WDPCP: variants seen among roughly 807,000 people sequenced by gnomAD.
WDPCP encodes WD repeat-containing and planar cell polarity effector protein fritz homolog.
A neutral mutation model predicts 93.1 loss-of-function variants in WDPCP; 71 were observed. The ratio of observed to expected loss-of-function variants is 0.76; its 90% CI spans 0.63 to 0.93. WDPCP has a LOEUF of 0.93. Ranked by LOEUF, WDPCP falls within the 40% of genes least tolerant of loss-of-function variation. The pLI, the probability that WDPCP is intolerant of heterozygous loss-of-function variation, is 0.00. For missense variants in WDPCP, 844 were observed against 887.4 expected, an observed-to-expected ratio of 0.95 and a Z score of 0.62; for synonymous variants, 315 against 315.0, an observed-to-expected ratio of 1.00 and a Z score of 0.00.
intron 13 of WDPCP, among the ~76,000 whole-genome samples, chr2:63,299,958 G>T (rs897101596): frequency 2.6e-5 from 4 of 152,100 alleles, no homozygotes; most frequent in African/African-American, 7.2e-5. Flanking sequence ...TCCCTTCTCT[G>T]CCAGCCACGT....
chr2:63,176,711 C>T (rs1337583827), intron 14 of WDPCP, among the ~76,000 whole-genome samples: 1 of 152,048 alleles, frequency 6.6e-6, no homozygotes, highest in Non-Finnish European at 1.5e-5. Flanking sequence ...TTTATTGGTA[C>T]TTTATTGTGT....
chr2:63,157,082 A>T (rs1672311710), intron 15 of WDPCP, among the ~76,000 whole-genome samples: 1 of 148,718 alleles, frequency 6.7e-6, no homozygotes, highest in African/African-American at 2.5e-5. Context: ...TGGGTATGGA[A>T]TTTTGTCAGA....
intron 2 of WDPCP, among the ~76,000 whole-genome samples, chr2:63,799,666 C>A (rs568088658): frequency 6.6e-6 from 1 of 152,236 alleles, no homozygotes; most frequent in East Asian, 1.9e-4. Context: ...GTCTCATATT[C>A]TTCTTTTTTA....
chr2:63,605,808 G>A, intron 3 of WDPCP: 1 of 765,338 alleles, frequency 1.3e-6, no homozygotes, highest in East Asian at 2.5e-5. Context: ...ACCTGGTGCT[G>A]ATGATAGTTC....
At chr2:63,368,076 G>A (rs1691058017) in intron 12 of WDPCP, among the ~76,000 whole-genome samples, 1 of 152,096 alleles carries the variant, frequency 6.6e-6, no homozygotes. Context: ...TAATGAGATA[G>A]AGAATAAGGA....
intron 2 of WDPCP, among the ~76,000 whole-genome samples, chr2:63,668,828 C>G (rs1460064204): frequency 1.3e-5 from 2 of 152,174 alleles, no homozygotes; most frequent in African/African-American, 4.8e-5. Context: ...TATTTTGTGA[C>G]AGACTCTAAT....
chr2:63,675,519 C>G (rs200655874), intron 2 of WDPCP, among the ~76,000 whole-genome samples: 1 of 151,968 alleles, frequency 6.6e-6, no homozygotes, highest in Non-Finnish European at 1.5e-5. Flanking sequence ...CCTTTCTTCG[C>G]GGGGTAGGGG....
intron 10 of WDPCP, among the ~76,000 whole-genome samples, chr2:63,391,909 T>G (rs1036225544): frequency 1.3e-5 from 2 of 152,134 alleles, no homozygotes; most frequent in Non-Finnish European, 2.9e-5. Flanking sequence ...TGGAAGAACA[T>G]TCCATGCTCA....
intron 3 of WDPCP, among the ~76,000 whole-genome samples, chr2:63,609,643 A>G (rs1709594437): frequency 6.6e-6 from 1 of 152,186 alleles, no homozygotes; most frequent in Non-Finnish European, 1.5e-5. Flanking sequence ...TAATCCCAAC[A>G]CTTTGGGAAG....
In WDPCP at chr2:63,121,879, A is replaced by G; in HGVS notation, c.*127T>C. On this transcript the variant is annotated 3_prime_UTR_variant, in exon 18 of 18. Coordinates refer to ENST00000272321, the MANE Select transcript of WDPCP (RefSeq NM_015910.7). Reference sequence around the variant, plus strand: ...ATTTTGAAAACAAACACTCAACTCAAAACTCTTAACTAATTTATATGATTC... The same window carrying G: ...ATTTTGAAAACAAACACTCAACTCAGAACTCTTAACTAATTTATATGATTC... 6.7e-7 allele frequency: 1 copy of G among 1,496,194 alleles called. No homozygotes were observed. The highest frequency in any genetic ancestry group is 8.9e-7 in the Non-Finnish European group (1 of 1,121,796). 92.7% of individuals were successfully genotyped at this position (1,496,194 alleles called of 1,614,324 possible).
chr2:63,536,049 G>A (rs562903811), intron 1 of WDPCP, among the ~76,000 whole-genome samples: 16 of 152,286 alleles, frequency 1.1e-4, no homozygotes, highest in African/African-American at 2.2e-4. Flanking sequence ...AAAACTGGGC[G>A]AAGGATATTA....
chr2:63,197,422 T>C (rs976031673), intron 14 of WDPCP, among the ~76,000 whole-genome samples: 3 of 150,464 alleles, frequency 2.0e-5, no homozygotes, highest in Admixed American at 6.6e-5. Flanking sequence ...AAGTTATACA[T>C]GTATTTTCTA....
chr2:63,389,336 G>C (rs1482758877), intron 10 of WDPCP, among the ~76,000 whole-genome samples: 1 of 152,122 alleles, frequency 6.6e-6, no homozygotes, highest in African/African-American at 2.4e-5. Flanking sequence ...ATCCTTTACA[G>C]ATAAACAAAT....
intron 1 of WDPCP, among the ~76,000 whole-genome samples, chr2:63,576,179 C>A (rs1708102279): frequency 6.6e-6 from 1 of 152,154 alleles, no homozygotes; most frequent in Non-Finnish European, 1.5e-5. Flanking sequence ...CTGACATTAT[C>A]TACCTAGAGA....
At chr2:63,375,691 A>C (rs939721874) in intron 12 of WDPCP, among the ~76,000 whole-genome samples, 2 of 151,996 alleles carry the variant, frequency 1.3e-5, no homozygotes, top group African/African-American at 4.8e-5. Flanking sequence ...CAAGACAAAA[A>C]TAAAATTGTA....
intron 1 of WDPCP, among the ~76,000 whole-genome samples, chr2:63,534,833 T>C (rs1704152022): frequency 6.6e-6 from 1 of 152,128 alleles, no homozygotes; most frequent in South Asian, 2.1e-4. Context: ...CCACTCCTAT[T>C]CAACATAGTG....
chr2:63,245,300 C>G (rs1391120865), intron 14 of WDPCP, among the ~76,000 whole-genome samples: 2 of 152,132 alleles, frequency 1.3e-5, no homozygotes, highest in Non-Finnish European at 2.9e-5. Flanking sequence ...TTTGTGTATT[C>G]TCTGCTCTTT....
intron 13 of WDPCP, among the ~76,000 whole-genome samples, chr2:63,268,325 G>C (rs897195484): frequency 1.3e-5 from 2 of 152,118 alleles, no homozygotes; most frequent in African/African-American, 2.4e-5. Flanking sequence ...GGTGATAGTG[G>C]TGGGGAAAGG....
intron 6 of WDPCP, among the ~76,000 whole-genome samples, chr2:63,456,481 G>C (rs1044678154): frequency 1.3e-5 from 2 of 152,056 alleles, no homozygotes; most frequent in African/African-American, 4.8e-5. Context: ...ATATACCCAA[G>C]CCTGTGCTGT....
Sources: allele counts gnomAD v4.1 joint callset (sites outside exome capture counted in the v4.1 genomes callset), GRCh38; gene constraint gnomAD v4.1.1; transcripts MANE v1.5; gene names NCBI Gene and HGNC (gene_info 2026-07-23, HGNC 2026-07-21).